The following EDIL3 variants were observed in gnomAD, a reference collection of about 807,000 sequenced individuals.
The protein encoded by EDIL3 is EGF like and discoidin domains 3, also known as EGF-like repeat and discoidin I-like domain-containing protein 3.
EDIL3 carries 37 observed loss-of-function variants against 67.4 expected under a neutral mutation model. That is an observed-to-expected ratio of 0.55 (90% CI 0.42 to 0.72). EDIL3 has a LOEUF of 0.72. Ranked by LOEUF, EDIL3 falls within the 30% of genes least tolerant of loss-of-function variation. The pLI is 0.00. For missense variants in EDIL3, 527 were observed against 586.3 expected, an observed-to-expected ratio of 0.90 and a Z score of 1.04; for synonymous variants, 195 against 196.3, an observed-to-expected ratio of 0.99 and a Z score of 0.05.
intron 1 of EDIL3, among the ~76,000 whole-genome samples, chr5:84,306,509 G>T (rs909866244): frequency 1.3e-5 from 2 of 152,124 alleles, no homozygotes; most frequent in Non-Finnish European, 2.9e-5. Context: ...ATGGCAAGTG[G>T]ATGAATTCTA....
chr5:84,332,175 C>G (rs1746886188), intron 1 of EDIL3, among the ~76,000 whole-genome samples: 1 of 151,924 alleles, frequency 6.6e-6, no homozygotes, highest in South Asian at 2.1e-4. Context: ...TTGAGACCAG[C>G]CTGGGCAATA....
intron 4 of EDIL3, among the ~76,000 whole-genome samples, chr5:84,173,182 A>G (rs1748841886): frequency 6.6e-6 from 1 of 152,140 alleles, no homozygotes; most frequent in Admixed American, 6.5e-5. Context: ...CCACATGAGT[A>G]TGGAGGTGCC....
chr5:83,989,545 T>C (rs944414206), intron 9 of EDIL3, among the ~76,000 whole-genome samples: 1 of 152,166 alleles, frequency 6.6e-6, no homozygotes, highest in African/African-American at 2.4e-5. Flanking sequence ...GTAGAATGCA[T>C]CATTTGAATG....
At chr5:83,974,501 A>G (rs1199702527) in intron 9 of EDIL3, among the ~76,000 whole-genome samples, 1 of 152,018 alleles carries the variant, frequency 6.6e-6, no homozygotes, top group Non-Finnish European at 1.5e-5. Context: ...TTTTTTGTTC[A>G]AAGATCAGAG....
chr5:84,283,812 C>T (rs1482529807), intron 1 of EDIL3, among the ~76,000 whole-genome samples: 1 of 152,098 alleles, frequency 6.6e-6, no homozygotes, highest in African/African-American at 2.4e-5. Flanking sequence ...TATCTTAAGT[C>T]ATATGTCTCT....
chr5:84,122,306 G>A (rs1443969592), intron 5 of EDIL3, among the ~76,000 whole-genome samples: 2 of 151,880 alleles, frequency 1.3e-5, no homozygotes, highest in Non-Finnish European at 2.9e-5. Context: ...CATACATACT[G>A]CAGAGAAAAA....
intron 2 of EDIL3, among the ~76,000 whole-genome samples, chr5:84,252,333 T>C (rs1745038520): frequency 6.6e-6 from 1 of 151,198 alleles, no homozygotes; most frequent in Admixed American, 6.6e-5. Flanking sequence ...GTACTAAAAA[T>C]ACAAAAAGAA....
intron 2 of EDIL3, among the ~76,000 whole-genome samples, chr5:84,253,332 A>AT: frequency 6.6e-6 from 1 of 152,234 alleles, no homozygotes; most frequent in Admixed American, 6.5e-5. Flanking sequence ...AAAAATATAA[A>AT]TTTTTTTCAA....
intron 3 of EDIL3, among the ~76,000 whole-genome samples, chr5:84,217,721 A>ACACAC (rs1744257318): frequency 4.1e-4 from 56 of 135,014 alleles, no homozygotes; most frequent in African/African-American, 6.9e-4. Context: ...TATACACACA[A>ACACAC]ACACACACAC....
chr5:84,312,133 C>T (rs183957147), intron 1 of EDIL3, among the ~76,000 whole-genome samples: 2,701 of 151,902 alleles, frequency 0.018, 7 homozygotes, highest in African/African-American at 0.061. Context: ...CCAGTAGGGG[C>T]GGCCGGGCAG....
chr5:84,066,654 A>C, intron 6 of EDIL3, 48 bp from the exon 7 acceptor site: 1 of 1,569,792 alleles, frequency 6.4e-7, no homozygotes, highest in Non-Finnish European at 8.6e-7. Flanking sequence ...TTTCAGGATA[A>C]CAATACTGAA....
intron 3 of EDIL3, among the ~76,000 whole-genome samples, chr5:84,217,140 C>CA (rs33931531): frequency 9.5e-4 from 129 of 136,144 alleles, no homozygotes; most frequent in African/African-American, 1.9e-3. Flanking sequence ...CAAGGACAGC[C>CA]AAAAAAAAAA....
At chr5:84,194,583 A>G (rs1010075844) in intron 3 of EDIL3, among the ~76,000 whole-genome samples, 16 of 152,112 alleles carry the variant, frequency 1.1e-4, no homozygotes, top group African/African-American at 3.9e-4. Flanking sequence ...ACAATTTATT[A>G]TAATTGCAAA....
intron 8 of EDIL3, among the ~76,000 whole-genome samples, chr5:84,063,442 G>A (rs1339570850): frequency 6.6e-6 from 1 of 152,086 alleles, no homozygotes; most frequent in Non-Finnish European, 1.5e-5. Context: ...AAAATTAATG[G>A]TACTAAAGCA....
At chr5:84,202,383 C>T (rs1338137816) in intron 3 of EDIL3, among the ~76,000 whole-genome samples, 5 of 152,076 alleles carry the variant, frequency 3.3e-5, no homozygotes, top group African/African-American at 4.8e-5. Context: ...ACTGACTCAG[C>T]AAGAAAAGGT....
Position 84,105,540 on chromosome 5 carries a change from T to A in EDIL3, c.651+1109A>T, listed in dbSNP as rs551491894. Among the ~76,000 whole-genome samples, 3 of 152,128 alleles carry A rather than the reference T, an allele frequency of 2.0e-5. No homozygotes were observed. The South Asian group carries it at 6.2e-4, about 32-fold the overall frequency. On this transcript the variant is annotated intron_variant, in intron 6 of 10. Coordinates refer to ENST00000296591, the MANE Select transcript of EDIL3 (RefSeq NM_005711.5). Reference sequence around the variant, plus strand: ...GTATAGTACACCTAATTATGTCACATCAGGGATTTCCATGTTTCTTTGACT... The same window carrying A: ...GTATAGTACACCTAATTATGTCACAACAGGGATTTCCATGTTTCTTTGACT...
At chr5:84,077,997 C>T (rs763020938) in intron 6 of EDIL3, among the ~76,000 whole-genome samples, 3 of 151,880 alleles carry the variant, frequency 2.0e-5, no homozygotes, top group African/African-American at 7.3e-5. Flanking sequence ...AAAGATACAA[C>T]AATTTACAGC....
intron 4 of EDIL3, among the ~76,000 whole-genome samples, chr5:84,178,872 G>A (rs1748967750): frequency 6.6e-6 from 1 of 152,088 alleles, no homozygotes; most frequent in Admixed American, 6.6e-5. Flanking sequence ...TTGTTGTGGG[G>A]GTGGTCAGAT....
At chr5:84,010,230 C>G (rs891443363) in intron 9 of EDIL3, among the ~76,000 whole-genome samples, 2 of 152,196 alleles carry the variant, frequency 1.3e-5, no homozygotes, top group Non-Finnish European at 2.9e-5. Context: ...TAGAGCTTAT[C>G]TTTCTGAGCA....
Sources: gnomAD v4.1 joint callset for allele counts (sites outside exome capture counted in the v4.1 genomes callset) on GRCh38, gnomAD v4.1.1 for gene constraint, MANE v1.5 for transcripts, NCBI Gene and HGNC (gene_info 2026-07-23, HGNC 2026-07-21) for gene names.